IGFBP7: variants seen among roughly 807,000 people sequenced by gnomAD.
IGFBP7 encodes insulin like growth factor binding protein 7.
Under a neutral mutation model 29.4 loss-of-function variants are expected in IGFBP7, and 31 were observed. The ratio of observed to expected loss-of-function variants is 1.05; its 90% CI spans 0.79 to 1.42. IGFBP7 has a LOEUF of 1.42. Ranked by LOEUF, IGFBP7 falls within the 40% of genes most tolerant of loss-of-function variation. IGFBP7 has a pLI of 0.00. For synonymous variants in IGFBP7, 172 were observed against 174.9 expected (o/e 0.98, Z 0.13); for missense variants, 393 against 395.5 (o/e 0.99, Z 0.05).
chr4:57,089,022 ACT>A (rs1462718967), intron 1 of IGFBP7, among the ~76,000 whole-genome samples: 2 of 123,022 alleles, frequency 1.6e-5, no homozygotes, highest in Admixed American at 2.3e-4. Flanking sequence ...ACAGAGTGAG[ACT>A]CTGTCTCAAA....
At chr4:57,035,997 T>G (rs966251176) in intron 2 of IGFBP7, among the ~76,000 whole-genome samples, 3 of 152,228 alleles carry the variant, frequency 2.0e-5, no homozygotes, top group Non-Finnish European at 4.4e-5. Context: ...GTATGTATGA[T>G]ATGTGTACTT....
intron 3 of IGFBP7, 149 bp downstream of exon 3, chr4:57,033,046 G>C: frequency 1.4e-6 from 1 of 733,232 alleles, no homozygotes; most frequent in South Asian, 1.4e-5. Flanking sequence ...CTCTGAAAGA[G>C]GAGCAGCGAC....
chr4:57,097,449 G>T (rs1725788340), intron 1 of IGFBP7, among the ~76,000 whole-genome samples: 1 of 152,150 alleles, frequency 6.6e-6, no homozygotes. Flanking sequence ...GTTTACGCAG[G>T]TCTGAACATA....
intron 1 of IGFBP7, among the ~76,000 whole-genome samples, chr4:57,097,600 T>C (rs960528230): frequency 9.2e-5 from 14 of 152,108 alleles, no homozygotes; most frequent in Non-Finnish European, 4.4e-5. Context: ...CGAAACAGCA[T>C]TTAGTGAAAT....
intron 1 of IGFBP7, among the ~76,000 whole-genome samples, chr4:57,097,175 A>T (rs566941927): frequency 6.6e-6 from 1 of 152,330 alleles, no homozygotes; most frequent in East Asian, 1.9e-4. Flanking sequence ...AATGTGAGTG[A>T]CCTCTGAATT....
chr4:57,080,910 G>A (rs1297421403), intron 1 of IGFBP7, among the ~76,000 whole-genome samples: 1 of 152,180 alleles, frequency 6.6e-6, no homozygotes, highest in Non-Finnish European at 1.5e-5. Context: ...CCTTTCCACT[G>A]CCAAGGGGAT....
intron 4 of IGFBP7, among the ~76,000 whole-genome samples, 188 bp from the exon 5 acceptor site, chr4:57,031,524 A>G (rs11573131): frequency 2.4e-4 from 36 of 152,326 alleles, no homozygotes; most frequent in African/African-American, 7.7e-4. Context: ...GATTTTAGCT[A>G]TGAAAGGCAA....
At chr4:57,054,950 T>C (rs1414250366) in intron 1 of IGFBP7, among the ~76,000 whole-genome samples, 1 of 152,146 alleles carries the variant, frequency 6.6e-6, no homozygotes, top group Non-Finnish European at 1.5e-5. Context: ...AGCACCACTC[T>C]GCCCAAGGAA....
chr4:57,084,788 G>GTTTTTTTTTTTTTTT (rs57704332), intron 1 of IGFBP7, among the ~76,000 whole-genome samples: 14 of 113,104 alleles, frequency 1.2e-4, no homozygotes, highest in African/African-American at 3.4e-4. Context: ...TTTAAAAAAG[G>GTTTTTTTTTTTTTTT]TTTTTTTTTT....
intron 1 of IGFBP7, among the ~76,000 whole-genome samples, chr4:57,065,275 C>T (rs1176585285): frequency 6.6e-6 from 1 of 152,224 alleles, no homozygotes; most frequent in East Asian, 1.9e-4. Context: ...ATAAGCAAAA[C>T]CCATCTTCCT....
intron 4 of IGFBP7, 124 bp downstream of exon 4, chr4:57,032,302 C>A: frequency 6.8e-7 from 1 of 1,477,842 alleles, no homozygotes; most frequent in Non-Finnish European, 9.0e-7. Flanking sequence ...TACTTAATGC[C>A]CTTATGGGTT....
chr4:57,091,645 C>T (rs537720039), intron 1 of IGFBP7, among the ~76,000 whole-genome samples: 10 of 152,272 alleles, frequency 6.6e-5, no homozygotes, highest in South Asian at 2.1e-4. Flanking sequence ...CAGTCGAATA[C>T]GGGAATAATT....
intron 1 of IGFBP7, among the ~76,000 whole-genome samples, chr4:57,109,312 G>A (rs1315016088): frequency 2.6e-5 from 4 of 152,050 alleles, no homozygotes; most frequent in East Asian, 3.9e-4. Flanking sequence ...GGTGGCACAG[G>A]CTTATAGTCC....
At chr4:57,086,671 C>T (rs920892709) in intron 1 of IGFBP7, among the ~76,000 whole-genome samples, 7 of 152,018 alleles carry the variant, frequency 4.6e-5, no homozygotes, top group East Asian at 1.9e-4. Context: ...AGAGGATTTA[C>T]GTTTTTGTTT....
chr4:57,054,348 C>T (rs1724587686), intron 1 of IGFBP7, among the ~76,000 whole-genome samples: 1 of 152,214 alleles, frequency 6.6e-6, no homozygotes, highest in African/African-American at 2.4e-5. Flanking sequence ...AATAGATGTG[C>T]TTGGCTGGGC....
chr4:57,105,127 T>C (rs187014707), intron 1 of IGFBP7, among the ~76,000 whole-genome samples: 20 of 152,324 alleles, frequency 1.3e-4, no homozygotes, highest in African/African-American at 4.1e-4. Context: ...TGTTCTCCAC[T>C]CAGGGCCCAA....
intron 1 of IGFBP7, among the ~76,000 whole-genome samples, chr4:57,103,647 T>C (rs972028825): frequency 1.0e-5 from 1 of 95,608 alleles, no homozygotes; most frequent in Non-Finnish European, 2.0e-5. Context: ...CTTTTCTTTT[T>C]TTTTTTTCTT....
intron 1 of IGFBP7, among the ~76,000 whole-genome samples, chr4:57,049,000 G>GC (rs1560493635): frequency 3.3e-5 from 5 of 152,296 alleles, no homozygotes; most frequent in Admixed American, 3.3e-4. Context: ...AGATGTCAAA[G>GC]ATGCTTTGAC....
chr4:57,070,941 A>G (rs1725037637), intron 1 of IGFBP7, among the ~76,000 whole-genome samples: 2 of 152,184 alleles, frequency 1.3e-5, no homozygotes, highest in African/African-American at 4.8e-5. Context: ...TAAAATTGCT[A>G]ATTAAAAAGG....
Sources: gnomAD v4.1 joint callset for allele counts (sites outside exome capture counted in the v4.1 genomes callset) on GRCh38, gnomAD v4.1.1 for gene constraint, MANE v1.5 for transcripts, NCBI Gene and HGNC (gene_info 2026-07-23, HGNC 2026-07-21) for gene names.